STK32A: variants seen among roughly 807,000 people sequenced by gnomAD.
STK32A encodes the protein serine/threonine kinase 32A.
Under a neutral mutation model 53.2 loss-of-function variants are expected in STK32A, and 41 were observed. That is an observed-to-expected ratio of 0.77 (90% CI 0.60 to 1.00). STK32A has a LOEUF of 1.00. Ranked by LOEUF, STK32A falls within the 50% of genes least tolerant of loss-of-function variation. STK32A has a pLI of 0.00. For missense variants in STK32A, 458 were observed against 485.8 expected (o/e 0.94, Z 0.54); for synonymous variants, 166 against 162.8 (o/e 1.02, Z -0.15).
intron 4 of STK32A, among the ~76,000 whole-genome samples, chr5:147,321,900 A>G (rs1179294208): frequency 6.6e-6 from 1 of 152,078 alleles, no homozygotes; most frequent in Non-Finnish European, 1.5e-5. Context: ...AAACCCTCAC[A>G]CACCTCATTA....
chr5:147,263,593 G>A (rs1469144523), intron 2 of STK32A, among the ~76,000 whole-genome samples: 2 of 152,060 alleles, frequency 1.3e-5, no homozygotes, highest in African/African-American at 2.4e-5. Flanking sequence ...GCAAAAATTT[G>A]CTTTGGGAAA....
chr5:147,258,559 G>A (rs945536843), intron 2 of STK32A, among the ~76,000 whole-genome samples: 2 of 152,000 alleles, frequency 1.3e-5, no homozygotes, highest in African/African-American at 4.8e-5. Flanking sequence ...AACTTTCACA[G>A]ACAATTCTTT....
intron 2 of STK32A, among the ~76,000 whole-genome samples, chr5:147,244,068 C>T (rs1415774973): frequency 1.3e-5 from 2 of 148,522 alleles, no homozygotes; most frequent in Non-Finnish European, 3.0e-5. Context: ...TCCCTGTTAA[C>T]AACCATTTGA....
At chr5:147,282,530 T>G (rs62377724) in intron 4 of STK32A, among the ~76,000 whole-genome samples, 13,289 of 152,202 alleles carry the variant, frequency 0.087, 677 homozygotes, top group Admixed American at 0.13. Flanking sequence ...ACCTACTATG[T>G]GCTGCCTTCA....
chr5:147,298,864 G>T (rs905625304), intron 4 of STK32A, among the ~76,000 whole-genome samples: 3 of 152,006 alleles, frequency 2.0e-5, no homozygotes, highest in African/African-American at 7.3e-5. Context: ...TTCCAATCCC[G>T]CAGAGTTAAG....
chr5:147,271,717 T>C (rs532698078), intron 2 of STK32A, among the ~76,000 whole-genome samples: 2 of 152,266 alleles, frequency 1.3e-5, no homozygotes, highest in South Asian at 4.1e-4. Context: ...AGCCCCAGTC[T>C]CCCATAGTGC....
chr5:147,265,933 G>T (rs1193969223), intron 2 of STK32A, among the ~76,000 whole-genome samples: 1 of 152,110 alleles, frequency 6.6e-6, no homozygotes, highest in African/African-American at 2.4e-5. Flanking sequence ...CTTACAATTT[G>T]TCCTTTTTCA....
At chr5:147,258,134 G>GA (rs1321135173) in intron 2 of STK32A, among the ~76,000 whole-genome samples, 1 of 109,596 alleles carries the variant, frequency 9.1e-6, no homozygotes, top group African/African-American at 3.7e-5. Flanking sequence ...CATAATGTAT[G>GA]ATTCTTATAG....
intron 4 of STK32A, among the ~76,000 whole-genome samples, chr5:147,310,636 T>C (rs1394973466): frequency 6.6e-6 from 1 of 152,222 alleles, no homozygotes; most frequent in Admixed American, 6.5e-5. Flanking sequence ...TCTATGATTG[T>C]CATGGAGCAC....
the STK32A span, chr5:147,397,574 A>G: frequency 2.3e-6 from 3 of 1,313,572 alleles, no homozygotes; most frequent in Non-Finnish European, 3.2e-6. Context: ...GAGAGTCTAG[A>G]GATCACAGTG....
chr5:147,326,864 C>A (rs1253056659), intron 5 of STK32A, among the ~76,000 whole-genome samples: 2 of 151,814 alleles, frequency 1.3e-5, no homozygotes, highest in Non-Finnish European at 2.9e-5. Flanking sequence ...ATCATTAAGG[C>A]TTTTCAAGGC....
chr5:147,381,412 G>C (rs950783376), intron 11 of STK32A, among the ~76,000 whole-genome samples: 1 of 152,132 alleles, frequency 6.6e-6, no homozygotes, highest in Non-Finnish European at 1.5e-5. Context: ...GGAGGCTGAG[G>C]CAGGCGGATC....
At chr5:147,270,147 C>A (rs1392904817) in intron 2 of STK32A, among the ~76,000 whole-genome samples, 2 of 152,060 alleles carry the variant, frequency 1.3e-5, no homozygotes, top group Non-Finnish European at 2.9e-5. Context: ...ATAAAAATCA[C>A]AAACCCAGAA....
chr5:147,258,811 A>G (rs113791589), intron 2 of STK32A, among the ~76,000 whole-genome samples: 1 of 152,166 alleles, frequency 6.6e-6, no homozygotes, highest in Admixed American at 6.5e-5. Flanking sequence ...ACTTTTAGCT[A>G]AATTTACTTT....
Position 147,289,550 on chromosome 5 carries a change from A to G in STK32A, c.260+10152A>G, listed in dbSNP as rs138054678. Among the ~76,000 whole-genome samples, 702 of 152,080 alleles carry G rather than the reference A, an allele frequency of 4.6e-3. 5 individuals carry two copies. Among genetic ancestry groups the G allele is most frequent in the African/African-American group, 0.014 (599 of 41,506 alleles). On this transcript the variant is annotated intron_variant, in intron 4 of 12. Transcript: ENST00000397936. ...TGTGTGTGTGAATAGGTATAAATGT[A>G]TACATACATATGCATATATTTATAC... is the stretch of plus-strand genomic sequence containing the variant.
chr5:147,338,035 G>A (rs1184617222), intron 5 of STK32A, among the ~76,000 whole-genome samples: 2 of 152,126 alleles, frequency 1.3e-5, no homozygotes, highest in Non-Finnish European at 2.9e-5. Context: ...AGACACTGAA[G>A]TCACCAAGAA....
At chr5:147,276,187 G>C (rs1581027345) in intron 2 of STK32A, among the ~76,000 whole-genome samples, 1 of 152,126 alleles carries the variant, frequency 6.6e-6, no homozygotes, top group East Asian at 1.9e-4. Context: ...TGAAACTCAA[G>C]AGAAAACTTA....
intron 8 of STK32A, among the ~76,000 whole-genome samples, chr5:147,365,320 CA>C (rs1217154994): frequency 1.3e-5 from 2 of 152,174 alleles, no homozygotes; most frequent in Non-Finnish European, 2.9e-5. Context: ...CCCAAACATT[CA>C]TTAGTTCATT....
intron 2 of STK32A, among the ~76,000 whole-genome samples, chr5:147,271,967 C>T (rs1302558886): frequency 6.6e-6 from 1 of 152,120 alleles, no homozygotes; most frequent in Non-Finnish European, 1.5e-5. Flanking sequence ...TTCGTACACT[C>T]CCTCCCCTTT....
Sources: gnomAD v4.1 joint callset for allele counts (sites outside exome capture counted in the v4.1 genomes callset) on GRCh38, gnomAD v4.1.1 for gene constraint, MANE v1.5 for transcripts, NCBI Gene and HGNC (gene_info 2026-07-23, HGNC 2026-07-21) for gene names.